Variants in MGA observed in about 807,000 individuals in gnomAD.
MGA encodes the protein MAX dimerization protein MGA.
Under a neutral mutation model 261.1 loss-of-function variants are expected in MGA, and 40 were observed. That is an observed-to-expected ratio of 0.15 (90% confidence interval 0.12 to 0.20). MGA has a LOEUF of 0.20. Ranked by LOEUF, MGA falls within the 10% of genes least tolerant of loss-of-function variation. The probability of loss-of-function intolerance (pLI) is 1.00; values close to 1 mark genes in which losing one functional copy is unlikely to be tolerated. For synonymous variants in MGA, 1,302 were observed against 1,290.6 expected, an observed-to-expected ratio of 1.01 and a Z score of -0.19; for missense variants, 3,397 against 3,630.5, an observed-to-expected ratio of 0.94 and a Z score of 1.65.
intron 1 of MGA, 122 bp downstream of exon 1, chr15:41,660,647 C>G (rs1159422464): frequency 6.6e-6 from 1 of 152,606 alleles, no homozygotes; most frequent in Non-Finnish European, 1.5e-5. Context: ...GAGCTTCGCA[C>G]GCCCTCGCCA....
intron 1 of MGA, among the ~76,000 whole-genome samples, chr15:41,628,994 T>C (rs773676222): frequency 3.3e-5 from 5 of 151,152 alleles, no homozygotes; most frequent in Admixed American, 6.6e-5. Context: ...CAAAAAAAAT[T>C]AGCTGGCCAT....
chr15:41,655,239 C>T (rs1416560355), intron 1 of MGA, among the ~76,000 whole-genome samples: 4 of 148,174 alleles, frequency 2.7e-5, no homozygotes, highest in Admixed American at 2.0e-4. Context: ...AGTGCAGTGG[C>T]AGGATGTCAG....
In MGA at chr15:41,724,267, G is replaced by A. The variant is rs559164366; in HGVS notation, c.3431-2913G>A. The stretch of plus-strand genomic sequence containing the variant: ...AGGGCAAGCCTCAAAAGACATACTT[G>A]TACATACTTACTACACATGCTACCT... On this transcript the variant is annotated intron_variant, in intron 9 of 23. Coordinates refer to ENST00000219905, the MANE Select transcript of MGA (RefSeq NM_001164273.2). 2.0e-5 allele frequency among the ~76,000 whole-genome samples: 3 copies of A among 152,114 alleles called. No individual in the cohort carries two copies. The East Asian group carries it at 5.8e-4, about 29-fold the overall frequency.
intron 22 of MGA, among the ~76,000 whole-genome samples, chr15:41,764,454 C>T (rs1352138635): frequency 3.9e-5 from 6 of 152,010 alleles, no homozygotes; most frequent in Admixed American, 6.6e-5. Context: ...GGGGTTTCAC[C>T]GTGTTAGCCA....
intron 1 of MGA, among the ~76,000 whole-genome samples, chr15:41,626,119 T>C (rs1030251765): frequency 2.6e-5 from 4 of 152,200 alleles, no homozygotes; most frequent in African/African-American, 9.6e-5. Flanking sequence ...AATACTTTCC[T>C]AGGTTTTAGA....
intron 2 of MGA, among the ~76,000 whole-genome samples, chr15:41,693,683 A>G (rs952747609): frequency 3.3e-5 from 5 of 152,148 alleles, no homozygotes; most frequent in Admixed American, 1.3e-4. Flanking sequence ...ATTGGATCCT[A>G]TGGAGTATAC....
intron 2 of MGA, among the ~76,000 whole-genome samples, chr15:41,676,719 TA>T (rs1288611807): frequency 6.6e-6 from 1 of 152,252 alleles, no homozygotes; most frequent in African/African-American, 2.4e-5. Context: ...ACACATTTTT[TA>T]TATACTTTTG....
rs2062169715 is a variant in MGA at position 41,742,448 on chromosome 15, T to C, written c.4586-98T>C. 9 of 1,398,538 alleles carry C rather than the reference T, an allele frequency of 6.4e-6. No homozygotes were observed. The East Asian group carries it at 1.6e-4, about 25-fold the overall frequency. The allele number at this position is 1,398,538 out of a possible 1,614,324, so 86.6% of individuals were successfully genotyped here. ...ACAGGTAGGTAGTACCTGTAAGAAA[T>C]TGACCCAGTAGTGCACAGTAAATGT... is the stretch of plus-strand genomic sequence containing the variant. On this transcript the variant is annotated intron_variant, in intron 14 of 23. Coordinates refer to ENST00000219905, the MANE Select transcript of MGA (RefSeq NM_001164273.2).
At position 41,722,319 on chromosome 15, in the gene MGA, CG is replaced by C. The variant is rs535917669; in HGVS notation, c.3431-4857del. ...TAATTTTTTGTATTTTTAGTAGAAACGGGGTTTCACCATGTTAGCCAAGATG... is the reference window on the plus strand; with the variant it reads ...TAATTTTTTGTATTTTTAGTAGAAACGGGTTTCACCATGTTAGCCAAGATG... On this transcript the variant is annotated intron_variant, in intron 9 of 23. Transcript: ENST00000219905. 4.4e-4 allele frequency among the ~76,000 whole-genome samples: 67 copies of C among 151,992 alleles called. 2 individuals carry two copies. In the South Asian group the frequency reaches 0.014, roughly 31 times the overall value.
In MGA at chr15:41,761,809, G is replaced by A. The variant is rs774387775; in HGVS notation, c.7469G>A (p.Arg2490Gln). 5.0e-6 allele frequency: 8 copies of A among 1,595,736 alleles called. No individual in the cohort carries two copies. Among genetic ancestry groups the A allele is most frequent in the Admixed American group, 1.7e-5 (1 of 57,650 alleles). The change falls in exon 21 of 24, where the codon CGA becomes CAA. Residue 2490 changes from arginine (R) to glutamine (Q), a missense_variant. Around this residue, in one of 9 missense-constraint regions of MGA, gnomAD observed 50 missense variants for 121.5 expected, o/e 0.41. Transcript: ENST00000219905. ...ATAGGACAGAAAAATCTCCTGACTC[G>A]AAAACGGAATATTCTGATACGGAAA...
At chr15:41,644,811 G>A (rs1327696543) in intron 1 of MGA, among the ~76,000 whole-genome samples, 1 of 152,174 alleles carries the variant, frequency 6.6e-6, no homozygotes, top group Non-Finnish European at 1.5e-5. Context: ...AAAGTTAACT[G>A]ATGTCCAGTG....
At chr15:41,728,467 A>G (rs1298234672) in intron 10 of MGA, among the ~76,000 whole-genome samples, 1 of 152,234 alleles carries the variant, frequency 6.6e-6, no homozygotes, top group Admixed American at 6.5e-5. Context: ...AAGCCTTACC[A>G]ATAACATAAA....
intron 8 of MGA, among the ~76,000 whole-genome samples, chr15:41,711,626 C>CTCA (rs2060389600): frequency 6.6e-6 from 1 of 152,166 alleles, no homozygotes; most frequent in Non-Finnish European, 1.5e-5. Context: ...CTGAAAATCT[C>CTCA]TGATTTCATT....
In MGA at chr15:41,721,551, A is replaced by G. The variant is rs116145704; in HGVS notation, c.3431-5629A>G. Among the ~76,000 whole-genome samples the G allele has an allele frequency of 1.0e-3, 159 of 152,150 alleles. 1 individual carries two copies. The highest frequency in any genetic ancestry group is 3.7e-3 in the African/African-American group (154 of 41,498). Reference sequence around the variant, plus strand: ...AGGTGTCTACAAATTAATAATAAACACTCCTGTAGAAAAAATGAGCAAGAG... The same window carrying G: ...AGGTGTCTACAAATTAATAATAAACGCTCCTGTAGAAAAAATGAGCAAGAG... On this transcript the variant is annotated intron_variant, in intron 9 of 23. Coordinates refer to ENST00000219905, the MANE Select transcript of MGA (RefSeq NM_001164273.2).
chr15:41,758,685 G>T (rs1252402754), intron 19 of MGA, among the ~76,000 whole-genome samples: 1 of 151,970 alleles, frequency 6.6e-6, no homozygotes, highest in East Asian at 1.9e-4. Flanking sequence ...TGTTTATATT[G>T]CTTTTCTTTC....
At chr15:41,741,458 T>A (rs1388721596) in intron 14 of MGA, among the ~76,000 whole-genome samples, 1 of 152,040 alleles carries the variant, frequency 6.6e-6, no homozygotes, top group Non-Finnish European at 1.5e-5. Flanking sequence ...TGGAGAAATG[T>A]CTTTATATAT....
chr15:41,633,942 T>C (rs2056647303), intron 1 of MGA, among the ~76,000 whole-genome samples: 2 of 152,148 alleles, frequency 1.3e-5, no homozygotes. Flanking sequence ...CCTTCCTTAA[T>C]CTCTGCTCCA....
intron 9 of MGA, among the ~76,000 whole-genome samples, chr15:41,722,744 T>C (rs1208480891): frequency 6.6e-6 from 1 of 152,172 alleles, no homozygotes; most frequent in African/African-American, 2.4e-5. Context: ...TGTGCTGTAT[T>C]AGCATGGCAG....
At chr15:41,643,218 T>A (rs77106956) in intron 1 of MGA, among the ~76,000 whole-genome samples, 5,420 of 141,622 alleles carry the variant, frequency 0.038, 354 homozygotes, top group African/African-American at 0.13. Context: ...TTTTTTTTTT[T>A]AATTTATTTT....
Sources: gnomAD v4.1 joint callset for allele counts (sites outside exome capture counted in the v4.1 genomes callset) on GRCh38, gnomAD v4.1.1 for gene constraint, gnomAD v4.1.1 regional missense constraint, MANE v1.5 for transcripts, NCBI Gene and HGNC (gene_info 2026-07-23, HGNC 2026-07-21) for gene names.